SRPRB: variants seen among roughly 807,000 people sequenced by gnomAD.
The protein encoded by SRPRB is SRP receptor subunit beta.
A neutral mutation model predicts 31.9 loss-of-function variants in SRPRB; 20 were observed. The ratio of observed to expected loss-of-function variants is 0.63; its 90% CI spans 0.44 to 0.91. The LOEUF (loss-of-function observed/expected upper bound fraction) is 0.91, where lower values mean the gene tolerates loss of function less well. Ranked by LOEUF, SRPRB falls within the 40% of genes least tolerant of loss-of-function variation. SRPRB has a pLI of 0.00. For missense variants in SRPRB, 321 were observed against 324.9 expected, an observed-to-expected ratio of 0.99 and a Z score of 0.09; for synonymous variants, 146 against 132.8, an observed-to-expected ratio of 1.10 and a Z score of -0.68.
chr3:133,819,350 AC>A (rs3842571), intron 6 of SRPRB, among the ~76,000 whole-genome samples: 3 of 146,146 alleles, frequency 2.1e-5, no homozygotes, highest in Admixed American at 6.9e-5. Flanking sequence ...GTGAGGTCTG[AC>A]CCCCCCAGCC....
At chr3:133,790,577 G>A (rs1934807328) in intron 1 of SRPRB, 1 of 152,154 alleles carries the variant, frequency 6.6e-6, no homozygotes, top group Admixed American at 6.5e-5. Flanking sequence ...GAGATATTTG[G>A]CTAATTAACA....
At chr3:133,805,468 T>G, upstream of SRPRB, 1 of 169,102 alleles carries the variant, frequency 5.9e-6, no homozygotes, top group Non-Finnish European at 1.3e-5. Flanking sequence ...AGATTAAATG[T>G]TTGTAGGATG....
At chr3:133,797,668 A>C (rs1934997773) in intron 1 of SRPRB, among the ~76,000 whole-genome samples, 1 of 152,196 alleles carries the variant, frequency 6.6e-6, no homozygotes, top group Non-Finnish European at 1.5e-5. Context: ...TGCAGGGAGA[A>C]GGGTTCTGGG....
intron 5 of SRPRB, 30 bp downstream of exon 5, chr3:133,815,756 T>A (rs2107974364): frequency 1.9e-6 from 3 of 1,606,362 alleles, no homozygotes; most frequent in Non-Finnish European, 1.7e-6. Context: ...CAATAATAAT[T>A]GAGTTTTTTG....
upstream of SRPRB, among the ~76,000 whole-genome samples, chr3:133,801,711 A>G (rs1935065037): frequency 1.3e-5 from 2 of 152,182 alleles, no homozygotes; most frequent in South Asian, 4.1e-4. Context: ...CAGTGGTTAT[A>G]TTATACAAGG....
intron 1 of SRPRB, chr3:133,788,986 T>C (rs1047801047): frequency 4.6e-5 from 7 of 152,268 alleles, no homozygotes; most frequent in African/African-American, 9.6e-5. Flanking sequence ...CGCCAGTGAT[T>C]ACACCCAGGA....
intron 4 of SRPRB, among the ~76,000 whole-genome samples, chr3:133,812,969 G>A (rs1231145129): frequency 6.6e-6 from 1 of 152,152 alleles, no homozygotes; most frequent in East Asian, 1.9e-4. Context: ...TTTCCAGAGA[G>A]GGTGATGAGT....
At chr3:133,824,150 A>G (rs56319992), downstream of SRPRB, 10,253 of 152,306 alleles carry the variant, frequency 0.067, 398 homozygotes, top group African/African-American at 0.083. Flanking sequence ...GGCATGACAA[A>G]AGGGACTCTG....
At chr3:133,816,983 T>C (rs1232620085) in intron 6 of SRPRB, 51 bp downstream of exon 6, 4 of 1,433,398 alleles carry the variant, frequency 2.8e-6, no homozygotes, top group Non-Finnish European at 3.9e-6. Flanking sequence ...ACACTTAGAC[T>C]GTAAGCAGCA....
intron 3 of SRPRB, chr3:133,810,799 G>A (rs1424163097): frequency 4.3e-6 from 1 of 234,738 alleles, no homozygotes; most frequent in Non-Finnish European, 8.3e-6. Context: ...CAAGCCTCAG[G>A]TAGATCATGC....
intron 1 of SRPRB, chr3:133,787,142 G>A (rs942736162): frequency 2.0e-4 from 30 of 152,114 alleles, no homozygotes; most frequent in African/African-American, 2.4e-5. Context: ...AGTACATAAT[G>A]GACAAATGAG....
chr3:133,818,059 C>T (rs1330343608), intron 6 of SRPRB, among the ~76,000 whole-genome samples: 6 of 152,230 alleles, frequency 3.9e-5, no homozygotes, highest in East Asian at 3.8e-4. Context: ...TCTGGAGCTG[C>T]GAGTTTATCA....
chr3:133,798,262 A>G (rs1474744542), intron 1 of SRPRB, among the ~76,000 whole-genome samples: 1 of 152,236 alleles, frequency 6.6e-6, no homozygotes, highest in Admixed American at 6.5e-5. Context: ...GGGCAAAAGG[A>G]AGCATAAAGG....
Position 133,806,656 on chromosome 3 carries a change from C to G in SRPRB, c.202C>G (p.Leu68Val), listed in dbSNP as rs923078445. 1 of 1,614,064 alleles carries G rather than the reference C, an allele frequency of 6.2e-7. No homozygotes were observed. Among genetic ancestry groups the G allele is most frequent in the African/African-American group, 1.3e-5 (1 of 75,046 alleles). ...RSRRSSQRAV[L>V]LVGLCDSGKT... Reference sequence around the variant, plus strand: ...CAGAAGGAGCAGTCAGAGAGCTGTTCTTCTTGTTGGCCTTTGTGATTCCGG... The same window carrying G: ...CAGAAGGAGCAGTCAGAGAGCTGTTGTTCTTGTTGGCCTTTGTGATTCCGG... Residue 68 changes from leucine (L) to valine (V), a missense_variant, in exon 2 of 7, where the codon CTT becomes GTT. Leu to Val is a conservative substitution (Grantham distance 32, BLOSUM62 1). Transcript: ENST00000678299.
chr3:133,819,388 C>T (rs1270981679), intron 6 of SRPRB, among the ~76,000 whole-genome samples, 165 bp from the exon 7 acceptor site: 1 of 147,896 alleles, frequency 6.8e-6, no homozygotes, highest in African/African-American at 2.5e-5. Flanking sequence ...CCTCTCTGTC[C>T]AAGAGAGGGA....
At position 133,805,956 on chromosome 3, in the gene SRPRB, G is replaced by A. The variant is rs199842485; in HGVS notation, c.108G>A (p.Thr36=). Residue 36 remains threonine (T), a synonymous_variant, in exon 1 of 7, where the codon ACG becomes ACA. Transcript: ENST00000678299. The stretch of plus-strand genomic sequence containing the variant: ...AGGAGCTGCAGCAGACGGACCCAAC[G>A]CTGTTGTCAGTAGTGGTGGCGGTTC... ...LRQELQQTDP[T]LLSVVVAVLA... is the part of the protein sequence containing the mutation. 4 of 1,613,788 alleles carry A rather than the reference G, an allele frequency of 2.5e-6. No homozygotes were observed. The highest frequency in any genetic ancestry group is 3.4e-6 in the Non-Finnish European group (4 of 1,179,770).
chr3:133,807,104 G>A (rs1269264929), intron 2 of SRPRB, among the ~76,000 whole-genome samples: 1 of 151,916 alleles, frequency 6.6e-6, no homozygotes, highest in African/African-American at 2.4e-5. Flanking sequence ...GGGCTAGTTA[G>A]GCTTCTTTTT....
At chr3:133,787,031 GA>G (rs1934704736) in intron 1 of SRPRB, 1 of 152,176 alleles carries the variant, frequency 6.6e-6, no homozygotes, top group Non-Finnish European at 1.5e-5. Context: ...AAATGGGAGG[GA>G]AGAAATTGCC....
intron 1 of SRPRB, among the ~76,000 whole-genome samples, chr3:133,799,360 G>T (rs753049573): frequency 6.6e-6 from 1 of 152,134 alleles, no homozygotes; most frequent in Non-Finnish European, 1.5e-5. Flanking sequence ...TACAGAGAGT[G>T]CAGTAGAGCT....
Sources: gnomAD v4.1 joint callset for allele counts (sites outside exome capture counted in the v4.1 genomes callset) on GRCh38, gnomAD v4.1.1 for gene constraint, MANE v1.5 for transcripts, NCBI Gene and HGNC (gene_info 2026-07-23, HGNC 2026-07-21) for gene names.